ZNF618: variants seen among roughly 807,000 people sequenced by gnomAD.
ZNF618 encodes zinc finger protein 618.
ZNF618 carries 34 observed loss-of-function variants against 103.0 expected under a neutral mutation model. The ratio of observed to expected loss-of-function variants is 0.33; its 90% CI spans 0.25 to 0.44. The LOEUF (loss-of-function observed/expected upper bound fraction) is 0.44, where lower values mean the gene tolerates loss of function less well. Ranked by LOEUF, ZNF618 falls within the 20% of genes least tolerant of loss-of-function variation. The pLI is 1.00. For missense variants in ZNF618, 1,059 were observed against 1,295.4 expected, an observed-to-expected ratio of 0.82 and a Z score of 2.80; for synonymous variants, 551 against 542.2, an observed-to-expected ratio of 1.02 and a Z score of -0.23.
At chr9:114,030,291 C>T (rs1843892810) in intron 11 of ZNF618, among the ~76,000 whole-genome samples, 1 of 152,150 alleles carries the variant, frequency 6.6e-6, no homozygotes, top group South Asian at 2.1e-4. Context: ...TTTCAGGTAC[C>T]GTGTTGAGAA....
intron 1 of ZNF618, among the ~76,000 whole-genome samples, chr9:113,956,040 T>C (rs987287379): frequency 2.6e-5 from 4 of 151,512 alleles, no homozygotes; most frequent in African/African-American, 9.7e-5. Flanking sequence ...TGAAACCCCA[T>C]CTCTACTAAA....
chr9:114,040,551 A>G (rs866133222), intron 13 of ZNF618, among the ~76,000 whole-genome samples: 102 of 152,124 alleles, frequency 6.7e-4, no homozygotes, highest in Non-Finnish European at 1.1e-3. Context: ...TCATTGTTCA[A>G]TTCCCACCTA....
At chr9:114,019,378 C>T (rs549017861) in intron 10 of ZNF618, among the ~76,000 whole-genome samples, 3 of 152,284 alleles carry the variant, frequency 2.0e-5, no homozygotes, top group African/African-American at 7.2e-5. Flanking sequence ...ATGACTGGGT[C>T]ATGGGGAATA....
intron 13 of ZNF618, among the ~76,000 whole-genome samples, chr9:114,037,986 C>T (rs1258832370): frequency 7.2e-5 from 11 of 152,160 alleles, no homozygotes; most frequent in Non-Finnish European, 1.6e-4. Context: ...TGAAAATCCC[C>T]TTCCCCACAC....
chr9:113,988,626 C>T (rs766044188), intron 3 of ZNF618, 46 bp downstream of exon 3: 3 of 1,558,836 alleles, frequency 1.9e-6, no homozygotes, highest in African/African-American at 1.3e-5. Flanking sequence ...AGGGTGGGAA[C>T]ATGGAGTCAG....
intron 1 of ZNF618, among the ~76,000 whole-genome samples, chr9:113,903,676 A>AT (rs1358344204): frequency 6.6e-6 from 1 of 151,850 alleles, no homozygotes; most frequent in African/African-American, 2.4e-5. Flanking sequence ...TTTGAAAGAT[A>AT]TTTTTGCTAG....
intron 1 of ZNF618, among the ~76,000 whole-genome samples, chr9:113,951,418 T>TATATGTGTGTATATATATATACACAC (rs1564206717): frequency 2.2e-5 from 1 of 45,164 alleles, no homozygotes; most frequent in Non-Finnish European, 4.4e-5. Context: ...TATACACACA[T>TATATGTGTGTATATATATATACACAC]ATATGTGTGT....
chr9:114,017,929 C>T (rs1177285656), intron 10 of ZNF618, among the ~76,000 whole-genome samples: 2 of 152,150 alleles, frequency 1.3e-5, no homozygotes, highest in African/African-American at 4.8e-5. Context: ...GAGGGGTCTT[C>T]CCGTGGGTGA....
At chr9:113,965,707 C>T (rs1285691462) in intron 1 of ZNF618, among the ~76,000 whole-genome samples, 1 of 152,110 alleles carries the variant, frequency 6.6e-6, no homozygotes, top group African/African-American at 2.4e-5. Flanking sequence ...GAGAAAGGAA[C>T]GAGCTTGTCT....
chr9:113,939,542 G>A (rs371879535), intron 1 of ZNF618, among the ~76,000 whole-genome samples: 77 of 152,056 alleles, frequency 5.1e-4, no homozygotes, highest in African/African-American at 1.8e-3. Flanking sequence ...CACACCTCAC[G>A]ATTTAGAAAA....
chr9:113,921,835 C>A (rs1405255913), intron 1 of ZNF618, among the ~76,000 whole-genome samples: 2 of 152,192 alleles, frequency 1.3e-5, no homozygotes, highest in Admixed American at 6.5e-5. Context: ...TAAAGTGAAT[C>A]ATCACTTCGG....
At chr9:113,940,621 T>C (rs942713725) in intron 1 of ZNF618, among the ~76,000 whole-genome samples, 8 of 152,168 alleles carry the variant, frequency 5.3e-5, no homozygotes, top group Non-Finnish European at 7.4e-5. Flanking sequence ...CCTTGGAGTT[T>C]TTTACCACGT....
At chr9:113,965,062 T>C (rs1475304751) in intron 1 of ZNF618, among the ~76,000 whole-genome samples, 1 of 151,950 alleles carries the variant, frequency 6.6e-6, no homozygotes, top group African/African-American at 2.4e-5. Context: ...TCTAGAATTT[T>C]TAATTTCAGC....
chr9:114,034,363 A>G (rs1415530637), intron 12 of ZNF618, among the ~76,000 whole-genome samples: 1 of 152,118 alleles, frequency 6.6e-6, no homozygotes, highest in Non-Finnish European at 1.5e-5. Context: ...CAGCCAAGCC[A>G]TGCTGCACCC....
intron 1 of ZNF618, among the ~76,000 whole-genome samples, chr9:113,912,491 G>A (rs145568349): frequency 4.5e-4 from 69 of 152,270 alleles, no homozygotes; most frequent in African/African-American, 1.6e-3. Context: ...GTCTTTCTAG[G>A]ATGCAAGGGG....
intron 11 of ZNF618, among the ~76,000 whole-genome samples, chr9:114,029,555 C>T (rs1158660297): frequency 1.3e-5 from 2 of 152,178 alleles, no homozygotes; most frequent in African/African-American, 4.8e-5. Context: ...TTACATCCAA[C>T]CCAGTTCATC....
intron 1 of ZNF618, among the ~76,000 whole-genome samples, chr9:113,888,790 C>T (rs1274499360): frequency 6.6e-6 from 1 of 152,190 alleles, no homozygotes; most frequent in Non-Finnish European, 1.5e-5. Flanking sequence ...ACTAGGTTGT[C>T]TCAGAAGGCA....
At chr9:113,907,483 C>T (rs556885775) in intron 1 of ZNF618, among the ~76,000 whole-genome samples, 1 of 152,212 alleles carries the variant, frequency 6.6e-6, no homozygotes, top group Non-Finnish European at 1.5e-5. Context: ...TCTTGCCACC[C>T]CGGGCAGGGA....
At chr9:113,972,973 G>A (rs1838124274) in intron 2 of ZNF618, among the ~76,000 whole-genome samples, 2 of 152,136 alleles carry the variant, frequency 1.3e-5, no homozygotes, top group South Asian at 4.1e-4. Flanking sequence ...GGAGGCTGAG[G>A]CGGGAGAATC....
Sources: allele counts gnomAD v4.1 joint callset (sites outside exome capture counted in the v4.1 genomes callset), GRCh38; gene constraint gnomAD v4.1.1; transcripts MANE v1.5; gene names NCBI Gene and HGNC (gene_info 2026-07-23, HGNC 2026-07-21).